DUSP11: variants seen among roughly 807,000 people sequenced by gnomAD.
The protein encoded by DUSP11 is RNA/RNP complex-1-interacting phosphatase.
DUSP11 carries 27 observed loss-of-function variants against 41.4 expected under a neutral mutation model. The observed-to-expected ratio is 0.65, with a 90% CI of 0.48 to 0.90. DUSP11 has a LOEUF of 0.90. DUSP11 is among the 40% of genes least tolerant of loss of function. The pLI, the probability that DUSP11 is intolerant of heterozygous loss-of-function variation, is 0.00. For missense variants in DUSP11, 465 were observed against 461.1 expected (o/e 1.01, Z -0.08); for synonymous variants, 188 against 159.3 (o/e 1.18, Z -1.35).
intron 4 of DUSP11, among the ~76,000 whole-genome samples, chr2:73,769,655 G>T (rs1672534951): frequency 6.6e-6 from 1 of 152,174 alleles, no homozygotes; most frequent in African/African-American, 2.4e-5. Flanking sequence ...GCTAAGAGAA[G>T]AATGAAATTT....
intron 8 of DUSP11, among the ~76,000 whole-genome samples, chr2:73,763,292 C>T (rs895837624): frequency 6.6e-6 from 1 of 152,178 alleles, no homozygotes; most frequent in African/African-American, 2.4e-5. Context: ...TCTGCTTCCA[C>T]TTTATAAACG....
intron 4 of DUSP11, among the ~76,000 whole-genome samples, chr2:73,770,206 G>C (rs1239055210): frequency 6.7e-6 from 1 of 149,146 alleles, no homozygotes. Context: ...AAAAAAGAAA[G>C]AAAGAAAAGA....
At position 73,763,418 on chromosome 2, in the gene DUSP11, A is replaced by G. The variant is rs1336598311; in HGVS notation, c.936-559T>C. 2.0e-5 allele frequency among the ~76,000 whole-genome samples: 3 copies of G among 152,376 alleles called. No individual in the cohort carries two copies. In the East Asian group the frequency reaches 5.8e-4, roughly 29 times the overall value. ...CAAAAGCAAGACCAGAAAATCTCATATAATTATACAAAAGAAAATTTGGGG... is the reference window on the plus strand; with the variant it reads ...CAAAAGCAAGACCAGAAAATCTCATGTAATTATACAAAAGAAAATTTGGGG... On this transcript the variant is annotated intron_variant, in intron 8 of 8. Transcript: ENST00000272444.
chr2:73,766,439 T>TG lies in DUSP11; in HGVS notation c.913dup (p.Gln305ProfsTer52), dbSNP rs777167284. 1.2e-6 allele frequency: 2 copies of TG among 1,611,608 alleles called. No homozygotes were observed. The highest frequency in any genetic ancestry group is 3.4e-5 in the Admixed American group (2 of 59,170). On this transcript the variant is annotated frameshift_variant, in exon 8 of 9. Coordinates refer to ENST00000272444, the Ensembl canonical transcript of DUSP11. LOFTEE classifies it low-confidence loss of function (END_TRUNC). Reference sequence around the variant, plus strand: ...GTACCTGACTGATTGTTGCAAACTTTGGGTCTGGGTGTGGAAATGTCGAGG... The same window carrying TG: ...GTACCTGACTGATTGTTGCAAACTTTGGGGTCTGGGTGTGGAAATGTCGAGG...
intron 4 of DUSP11, 76 bp from the exon 5 acceptor site, chr2:73,769,401 G>A (rs921443962): frequency 2.0e-5 from 21 of 1,071,328 alleles, no homozygotes; most frequent in Non-Finnish European, 3.0e-5. Flanking sequence ...CCCTGAAAAT[G>A]AATAACTCTT....
exon 3 of DUSP11, chr2:73,774,928 G>C: frequency 6.3e-7 from 1 of 1,594,166 alleles, no homozygotes; most frequent in South Asian, 1.1e-5. Flanking sequence ...GTTTATAATA[G>C]CGTTGAGTAT....
intron 8 of DUSP11, among the ~76,000 whole-genome samples, chr2:73,764,601 G>A (rs904818204): frequency 1.7e-4 from 26 of 152,220 alleles, no homozygotes; most frequent in African/African-American, 5.8e-4. Context: ...CACAAAGCAG[G>A]TGAGTAACAA....
intron 3 of DUSP11, among the ~76,000 whole-genome samples, chr2:73,774,250 T>C (rs1257403607): frequency 1.3e-5 from 2 of 152,310 alleles, no homozygotes; most frequent in South Asian, 2.1e-4. Context: ...AGTGCCTTCA[T>C]AAAGCAGCTA....
At chr2:73,779,240 T>A (rs190450512) in intron 1 of DUSP11, among the ~76,000 whole-genome samples, 2 of 152,252 alleles carry the variant, frequency 1.3e-5, no homozygotes, top group African/African-American at 4.8e-5. Context: ...GCAAGACCTG[T>A]ATTAGGGTAC....
At chr2:73,764,107 G>C (rs1672413652) in intron 8 of DUSP11, among the ~76,000 whole-genome samples, 1 of 152,170 alleles carries the variant, frequency 6.6e-6, no homozygotes, top group Non-Finnish European at 1.5e-5. Flanking sequence ...GAATGATTAA[G>C]TAAATATAGC....
At chr2:73,768,301 T>C (rs1407096492) in intron 5 of DUSP11, 1 of 225,014 alleles carries the variant, frequency 4.4e-6, no homozygotes, top group Non-Finnish European at 7.4e-6. Context: ...ATTGTAATTG[T>C]ATAGGCATTT....
At chr2:73,778,245 T>A (rs1352064852) in intron 2 of DUSP11, 56 bp downstream of exon 2, 2 of 1,142,096 alleles carry the variant, frequency 1.8e-6, no homozygotes, top group Non-Finnish European at 2.5e-6. Context: ...TGGAGAGCAG[T>A]GTTCTGCATG....
chr2:73,779,882 G>A (rs754228749), exon 1 of DUSP11: 1 of 1,614,170 alleles, frequency 6.2e-7, no homozygotes, highest in Non-Finnish European at 8.5e-7. Flanking sequence ...ACCTTTCGGG[G>A]ATGTGGTTTC....
At chr2:73,774,840 G>T in intron 3 of DUSP11, 73 bp downstream of exon 3, 1 of 1,297,832 alleles carries the variant, frequency 7.7e-7, no homozygotes, top group South Asian at 1.9e-5. Context: ...AGCACAAGAT[G>T]ATTACTGAAT....
At position 73,762,812 on chromosome 2, in the gene DUSP11, G is replaced by A. The variant is rs1672388260; in HGVS notation, c.983C>T (p.Pro328Leu). ...ATAGTCCTCTCCAGGGGGACCAGGAGGAGGGAGATGGTGTCTCTGGTAAAC... is the reference window on the plus strand; with the variant it reads ...ATAGTCCTCTCCAGGGGGACCAGGAAGAGGGAGATGGTGTCTCTGGTAAAC... The change falls in exon 9 of 9, where the codon CCT becomes CTT. Residue 328 changes from proline (P) to leucine (L), a missense_variant. Physicochemically the swap from Pro to Leu is moderately conservative, Grantham distance 98. Transcript: ENST00000272444. The A allele has an allele frequency of 2.5e-6, 4 of 1,610,036 alleles. No individual in the cohort carries two copies. In the South Asian group the frequency reaches 3.3e-5, roughly 13 times the overall value.
chr2:73,773,738 A>G, intron 4 of DUSP11, 62 bp downstream of exon 4: 4 of 1,509,088 alleles, frequency 2.7e-6, no homozygotes, highest in Non-Finnish European at 3.6e-6. Flanking sequence ...ATAAAAAAAT[A>G]CCAAAAATCC....
At chr2:73,775,176 A>G (rs1672654600) in intron 2 of DUSP11, 132 bp from the exon 3 acceptor site, 4 of 749,116 alleles carry the variant, frequency 5.3e-6, no homozygotes, top group Admixed American at 3.1e-5. Context: ...GGAACATAGA[A>G]GGTATATTAC....
chr2:73,773,307 A>C (rs1415001776), intron 4 of DUSP11: 2 of 159,424 alleles, frequency 1.3e-5, no homozygotes, highest in African/African-American at 4.8e-5. Flanking sequence ...GTACATGTGC[A>C]CAACGTGCAG....
Position 73,766,812 on chromosome 2 carries a change from A to T in DUSP11, c.758+16T>A. 2 of 1,589,524 alleles carry T rather than the reference A, an allele frequency of 1.3e-6. No homozygotes were observed. Among genetic ancestry groups the T allele is most frequent in the South Asian group, 2.2e-5 (2 of 90,100 alleles). ...TCCCTGACCCACAAATCTCACATAT[A>T]TAACATAAGACTTACTTTCTGATAG... is the stretch of plus-strand genomic sequence containing the variant. On this transcript the variant is annotated intron_variant, in intron 7 of 8. Coordinates refer to ENST00000272444, the Ensembl canonical transcript of DUSP11.
Sources: gnomAD v4.1 joint callset for allele counts (sites outside exome capture counted in the v4.1 genomes callset) on GRCh38, gnomAD v4.1.1 for gene constraint, MANE v1.5 for transcripts, NCBI Gene and HGNC (gene_info 2026-07-23, HGNC 2026-07-21) for gene names.